Variants in CCDC88C observed in about 807,000 individuals in gnomAD.
CCDC88C encodes coiled-coil and HOOK domain protein 88C, also known as protein Daple.
Under a neutral mutation model 198.8 loss-of-function variants are expected in CCDC88C, and 131 were observed. That is an observed-to-expected ratio of 0.66 (90% CI 0.57 to 0.76). The LOEUF is 0.76. Ranked by LOEUF, CCDC88C falls within the 30% of genes least tolerant of loss-of-function variation. The pLI is 0.00. For missense variants in CCDC88C, 2,553 were observed against 2,631.6 expected (o/e 0.97, Z 0.65); for synonymous variants, 1,166 against 1,114.7 (o/e 1.05, Z -0.92).
intron 3 of CCDC88C, among the ~76,000 whole-genome samples, chr14:91,407,563 C>T (rs1886571301): frequency 6.6e-6 from 1 of 152,130 alleles, no homozygotes; most frequent in Non-Finnish European, 1.5e-5. Context: ...AGACAGATGC[C>T]CTGGAGGCCG....
chr14:91,272,740 TG>T lies in CCDC88C; in HGVS notation c.5971del (p.His1991ThrfsTer74). 6.2e-7 allele frequency: 1 copy of T among 1,608,716 alleles called. No individual in the cohort carries two copies. On this transcript the variant is annotated frameshift_variant, in exon 30 of 30. Transcript: ENST00000389857. LOFTEE classifies it high-confidence loss of function. ...SPGRSPDLAP[H>X]LGRALEDCSR... ...GCAGTCCTCCAGGGCCCGGCCGAGG[TG>T]GGGAGCCAAATCGGGAGACCGACCT...
chr14:91,312,658 C>A (rs1426174512), intron 15 of CCDC88C, among the ~76,000 whole-genome samples: 1 of 152,242 alleles, frequency 6.6e-6, no homozygotes, highest in Non-Finnish European at 1.5e-5. Flanking sequence ...ACACTCCAGC[C>A]TGGACGACAG....
At chr14:91,348,951 G>A (rs981774124) in intron 4 of CCDC88C, among the ~76,000 whole-genome samples, 5 of 152,064 alleles carry the variant, frequency 3.3e-5, no homozygotes, top group Non-Finnish European at 4.4e-5. Context: ...CGCCCAGGGC[G>A]GGAAGCAGAA....
At chr14:91,305,342 T>A (rs951704234) in intron 19 of CCDC88C, among the ~76,000 whole-genome samples, 2 of 152,148 alleles carry the variant, frequency 1.3e-5, no homozygotes, top group Non-Finnish European at 2.9e-5. Flanking sequence ...ATCCTACACT[T>A]CCCTCTTAGA....
chr14:91,408,664 A>G lies in CCDC88C; in HGVS notation c.265T>C (p.Tyr89His). ...TILVRNIKTY[Y>H]QEVLQQLIVM... ...GACAGCAGAACTGCCCTTACCTGGT[A>G]GTAGGTCTTAATGTTTCTCACCAAG... The change falls in exon 3 of 30, where the codon TAC becomes CAC. Residue 89 changes from tyrosine to histidine, a missense_variant. By Grantham distance (83) the Tyr-to-His change is moderately conservative. Around this residue, in one of 2 missense-constraint regions of CCDC88C, gnomAD observed 1,260 missense variants for 1,412.0 expected, o/e 0.89. Coordinates refer to ENST00000389857, the MANE Select transcript of CCDC88C (RefSeq NM_001080414.4). 1.9e-6 allele frequency: 3 copies of G among 1,589,290 alleles called. No homozygotes were observed. The highest frequency in any genetic ancestry group is 2.6e-6 in the Non-Finnish European group (3 of 1,157,402).
intron 25 of CCDC88C, 42 bp downstream of exon 25, chr14:91,289,063 C>G (rs562518256): frequency 1.3e-6 from 2 of 1,539,740 alleles, no homozygotes; most frequent in Non-Finnish European, 1.8e-6. Context: ...CTTCAGGACA[C>G]CCCCTTCCTC....
chr14:91,396,196 C>T (rs974586204), intron 3 of CCDC88C, among the ~76,000 whole-genome samples: 1 of 152,198 alleles, frequency 6.6e-6, no homozygotes, highest in African/African-American at 2.4e-5. Flanking sequence ...GCCACGCAGC[C>T]GGCTTCACGG....
At chr14:91,343,439 A>G (rs1893389228) in intron 5 of CCDC88C, among the ~76,000 whole-genome samples, 160 bp downstream of exon 5, 1 of 152,174 alleles carries the variant, frequency 6.6e-6, no homozygotes, top group Non-Finnish European at 1.5e-5. Flanking sequence ...GCTGCCACGT[A>G]AAACAATGGC....
intron 3 of CCDC88C, among the ~76,000 whole-genome samples, chr14:91,394,088 A>T (rs1265495681): frequency 6.6e-6 from 1 of 152,228 alleles, no homozygotes; most frequent in Non-Finnish European, 1.5e-5. Flanking sequence ...CAAAAATTTT[A>T]GTCTTAAAAT....
chr14:91,351,759 C>T (rs1168943054), intron 4 of CCDC88C, among the ~76,000 whole-genome samples: 1 of 152,146 alleles, frequency 6.6e-6, no homozygotes, highest in Non-Finnish European at 1.5e-5. Context: ...TGGCCCTTTA[C>T]TCTAGTGTCT....
At chr14:91,377,395 G>C (rs1884498995) in intron 3 of CCDC88C, among the ~76,000 whole-genome samples, 1 of 152,192 alleles carries the variant, frequency 6.6e-6, no homozygotes, top group African/African-American at 2.4e-5. Context: ...TTAGCTCTGA[G>C]GTCGGCAGGC....
chr14:91,390,726 A>G (rs990806828), intron 3 of CCDC88C, among the ~76,000 whole-genome samples: 1 of 152,306 alleles, frequency 6.6e-6, no homozygotes, highest in South Asian at 2.1e-4. Context: ...CCCAGAGCCT[A>G]AGGGAGTTAC....
Position 91,273,518 on chromosome 14 carries a change from TG to T in CCDC88C, c.5193del (p.Thr1732ProfsTer14). 2 of 1,537,052 alleles carry T rather than the reference TG, an allele frequency of 1.3e-6. No individual in the cohort carries two copies. Among genetic ancestry groups the T allele is most frequent in the South Asian group, 1.3e-5 (1 of 79,994 alleles). ...GAGGTGGGGGCGGCCATTTTGACGG[TG>T]GGGGCCACAAAGTTGGTGGGCATCT... ...GAKMPTNFVA[P>X]TVKMAAPTSE... On this transcript the variant is annotated frameshift_variant, in exon 30 of 30. Transcript: ENST00000389857. LOFTEE classifies it low-confidence loss of function (END_TRUNC). The surrounding 1 kb of genome is among the most constrained non-coding windows in gnomAD (Gnocchi z 5.6).
chr14:91,287,039 G>T (rs1890437440), intron 25 of CCDC88C, among the ~76,000 whole-genome samples: 1 of 152,182 alleles, frequency 6.6e-6, no homozygotes, highest in Non-Finnish European at 1.5e-5. Flanking sequence ...AGACCTGCTT[G>T]CTCACGGATC....
In CCDC88C at chr14:91,339,681, C is replaced by T. The variant is rs370908920; in HGVS notation, c.624+203G>A. On this transcript the variant is annotated intron_variant, in intron 7 of 29. Transcript: ENST00000389857. This position sits in a 1 kb window ranked among gnomAD's most constrained non-coding sequence, Gnocchi z 5.8. ...TACGAAGGAGGAGGGCCCCAAGCTCCGCGTCCTGATTCCCTGTATCCTCCC... is the reference window on the plus strand; with the variant it reads ...TACGAAGGAGGAGGGCCCCAAGCTCTGCGTCCTGATTCCCTGTATCCTCCC... 1.2e-3 allele frequency among the ~76,000 whole-genome samples: 188 copies of T among 152,294 alleles called. No homozygotes were observed. Among genetic ancestry groups the T allele is most frequent in the African/African-American group, 4.3e-3 (180 of 41,564 alleles).
chr14:91,331,622 C>T (rs575102216), intron 10 of CCDC88C, among the ~76,000 whole-genome samples: 60 of 152,330 alleles, frequency 3.9e-4, no homozygotes, highest in Admixed American at 3.5e-3. Context: ...TGCTGGCCAA[C>T]AACCCTTTCT....
chr14:91,378,236 C>G (rs933195581), intron 3 of CCDC88C, among the ~76,000 whole-genome samples: 1 of 152,106 alleles, frequency 6.6e-6, no homozygotes, highest in African/African-American at 2.4e-5. Context: ...CAGCAGGCAT[C>G]CTGAAGTGGG....
rs755883130 is a variant in CCDC88C, at chr14:91,303,816, G to A, written c.3520C>T (p.Leu1174=). 1.7e-5 allele frequency: 28 copies of A among 1,613,252 alleles called. 1 individual carries two copies. In the African/African-American group the frequency reaches 3.2e-4, roughly 18 times the overall value. ...GATTGCCGCTCGTGCAGCGTGCCCA[G>A]GTGCTCGTGGTCCTGCAGCAGGGCC... ...YEALLQDHEH[L]GTLHERQSAE... Residue 1174 remains leucine, a synonymous_variant, in exon 20 of 30, where the codon CTG becomes TTG. Transcript: ENST00000389857.
chr14:91,305,233 T>C (rs1190700528), intron 19 of CCDC88C, among the ~76,000 whole-genome samples: 3 of 152,174 alleles, frequency 2.0e-5, no homozygotes, highest in Non-Finnish European at 4.4e-5. Flanking sequence ...AAATAATTTA[T>C]TTCCCCACAG....
Sources: gnomAD v4.1 joint callset for allele counts (sites outside exome capture counted in the v4.1 genomes callset) on GRCh38, gnomAD v4.1.1 for gene constraint, gnomAD v4.1.1 regional missense constraint, Gnocchi (gnomAD v3.1) non-coding constraint, MANE v1.5 for transcripts, NCBI Gene and HGNC (gene_info 2026-07-23, HGNC 2026-07-21) for gene names.